The following KIAA1217 variants were observed in gnomAD, a reference collection of about 807,000 sequenced individuals.
KIAA1217 encodes sickle tail protein homolog.
A neutral mutation model predicts 163.9 loss-of-function variants in KIAA1217; 88 were observed. The observed-to-expected ratio is 0.54, with a 90% CI of 0.45 to 0.64. The LOEUF is 0.64. Ranked by LOEUF, KIAA1217 falls within the 30% of genes least tolerant of loss-of-function variation. The pLI is 0.00. For synonymous variants in KIAA1217, 903 were observed against 923.1 expected (o/e 0.98, Z 0.39); for missense variants, 2,372 against 2,475.0 (o/e 0.96, Z 0.88).
At chr10:24,356,813 G>C (rs1025069726) in intron 2 of KIAA1217, among the ~76,000 whole-genome samples, 1 of 152,126 alleles carries the variant, frequency 6.6e-6, no homozygotes, top group African/African-American at 2.4e-5. Context: ...GAACCATGAG[G>C]AATGAATTTA....
chr10:24,222,925 G>T (rs1031593407), intron 2 of KIAA1217, among the ~76,000 whole-genome samples: 9 of 152,140 alleles, frequency 5.9e-5, no homozygotes, highest in African/African-American at 2.2e-4. Flanking sequence ...CTAAACAAGG[G>T]GTGGATTATT....
intron 2 of KIAA1217, among the ~76,000 whole-genome samples, chr10:24,356,243 G>A (rs1322422062): frequency 6.6e-6 from 1 of 152,180 alleles, no homozygotes; most frequent in African/African-American, 2.4e-5. Flanking sequence ...GATGATTATT[G>A]CCATTCTGCA....
chr10:23,700,739 A>G (rs1448851730), intron 1 of KIAA1217, among the ~76,000 whole-genome samples: 2 of 152,242 alleles, frequency 1.3e-5, no homozygotes, highest in Admixed American at 1.3e-4. Context: ...TCTCAAGTTC[A>G]TCTTTTCAAT....
intron 12 of KIAA1217, among the ~76,000 whole-genome samples, chr10:24,523,165 T>A (rs1439804162): frequency 6.6e-6 from 1 of 150,530 alleles, no homozygotes; most frequent in Non-Finnish European, 1.5e-5. Flanking sequence ...AAAAAATTAT[T>A]TTAAAAATTA....
In KIAA1217 at chr10:24,521,879, T is replaced by A. The variant is rs757859656; in HGVS notation, c.2406T>A (p.Ser802Arg). Residue 802 changes from serine to arginine, a missense_variant, in exon 12 of 21, where the codon AGT (serine) becomes AGA (arginine). By Grantham distance (110) the Ser-to-Arg change is moderately radical. Transcript: ENST00000376454. ...AGGAGGAGCCACACAAGCTGGACAG[T>A]CTCCTGAAGCGTGTGCGCAGCATGA... Reference protein sequence around the residue: ...FLKEEPHKLDSLLKRVRSMTD... With the variant: ...FLKEEPHKLDRLLKRVRSMTD... 6.2e-7 allele frequency: 1 copy of A among 1,613,650 alleles called. No individual in the cohort carries two copies. The highest frequency in any genetic ancestry group is 8.5e-7 in the Non-Finnish European group (1 of 1,180,002).
At chr10:23,917,204 A>C (rs1389730781) in intron 1 of KIAA1217, among the ~76,000 whole-genome samples, 2 of 152,146 alleles carry the variant, frequency 1.3e-5, no homozygotes, top group Non-Finnish European at 2.9e-5. Context: ...GGTAGAGGAA[A>C]ACTGAGATAA....
intron 1 of KIAA1217, among the ~76,000 whole-genome samples, chr10:23,906,313 A>ACATAC (rs1310233131): frequency 6.6e-6 from 1 of 151,874 alleles, no homozygotes. Context: ...CACCCCAAAC[A>ACATAC]CATACTCAAG....
chr10:23,861,468 T>G (rs1839947214), intron 1 of KIAA1217, among the ~76,000 whole-genome samples: 1 of 152,198 alleles, frequency 6.6e-6, no homozygotes, highest in South Asian at 2.1e-4. Flanking sequence ...TAGAGAGGAC[T>G]TTGCAGATGT....
intron 11 of KIAA1217, 74 bp from the exon 12 acceptor site, chr10:24,521,708 G>A: frequency 6.5e-7 from 1 of 1,533,364 alleles, no homozygotes; most frequent in Non-Finnish European, 8.8e-7. Flanking sequence ...TCTCTGTCCA[G>A]TATCGGAGTG....
chr10:24,405,923 A>G (rs1203717218), intron 3 of KIAA1217, among the ~76,000 whole-genome samples: 2 of 152,234 alleles, frequency 1.3e-5, no homozygotes, highest in African/African-American at 2.4e-5. Flanking sequence ...CAGTGTTTTG[A>G]AGGTGAAGTA....
chr10:23,831,444 A>T (rs986619415), intron 1 of KIAA1217, among the ~76,000 whole-genome samples: 2 of 152,142 alleles, frequency 1.3e-5, no homozygotes, highest in Non-Finnish European at 2.9e-5. Flanking sequence ...TCGATAGCCC[A>T]TTAAAAGAAA....
At chr10:24,465,613 C>A (rs193132323) in intron 5 of KIAA1217, among the ~76,000 whole-genome samples, 2 of 152,322 alleles carry the variant, frequency 1.3e-5, no homozygotes, top group Admixed American at 6.5e-5. Flanking sequence ...TCCCCAAGGG[C>A]TCAGAAAACA....
At chr10:24,475,560 A>G (rs1246336360) in intron 6 of KIAA1217, among the ~76,000 whole-genome samples, 1 of 152,260 alleles carries the variant, frequency 6.6e-6, no homozygotes, top group African/African-American at 2.4e-5. Flanking sequence ...TAACTCTCTC[A>G]TGTAGCTAGA....
intron 1 of KIAA1217, among the ~76,000 whole-genome samples, chr10:23,759,485 C>T (rs559034849): frequency 6.6e-6 from 1 of 152,260 alleles, no homozygotes; most frequent in South Asian, 2.1e-4. Flanking sequence ...TGCCTTGTTC[C>T]TGATCTTAGA....
At chr10:24,269,838 T>G (rs1289100884) in intron 2 of KIAA1217, among the ~76,000 whole-genome samples, 3 of 152,176 alleles carry the variant, frequency 2.0e-5, no homozygotes, top group African/African-American at 4.8e-5. Context: ...GAACTCAAAT[T>G]GACATCTAGT....
chr10:24,115,061 T>C (rs1564717749), intron 2 of KIAA1217, among the ~76,000 whole-genome samples: 1 of 152,212 alleles, frequency 6.6e-6, no homozygotes, highest in Non-Finnish European at 1.5e-5. Flanking sequence ...AGCCCAGTTT[T>C]TCTACATCAT....
intron 1 of KIAA1217, among the ~76,000 whole-genome samples, chr10:23,893,764 A>T (rs1734608603): frequency 6.6e-6 from 1 of 152,116 alleles, no homozygotes; most frequent in Non-Finnish European, 1.5e-5. Flanking sequence ...AACCAAATCC[A>T]GCAGCACATC....
intron 1 of KIAA1217, among the ~76,000 whole-genome samples, chr10:23,911,052 G>A (rs886258623): frequency 1.3e-5 from 2 of 152,134 alleles, no homozygotes; most frequent in East Asian, 1.9e-4. Context: ...GCCAGATGGC[G>A]AGTCAAGTTC....
At chr10:24,172,123 CA>C (rs1449405445) in intron 2 of KIAA1217, among the ~76,000 whole-genome samples, 2 of 152,124 alleles carry the variant, frequency 1.3e-5, no homozygotes, top group African/African-American at 2.4e-5. Flanking sequence ...ATAATTCACA[CA>C]AGGTAGTACA....
Sources: gnomAD v4.1 joint callset for allele counts (sites outside exome capture counted in the v4.1 genomes callset) on GRCh38, gnomAD v4.1.1 for gene constraint, MANE v1.5 for transcripts, NCBI Gene and HGNC (gene_info 2026-07-23, HGNC 2026-07-21) for gene names.